The following NCOA6 variants were observed in gnomAD, a reference collection of about 807,000 sequenced individuals.
NCOA6 encodes the protein NRC RAP250.
Under a neutral mutation model 171.4 loss-of-function variants are expected in NCOA6, and 49 were observed. The observed-to-expected ratio is 0.29, with a 90% confidence interval of 0.23 to 0.36. The LOEUF is 0.36. Ranked by LOEUF, NCOA6 falls within the 10% of genes least tolerant of loss-of-function variation. The pLI is 1.00. For synonymous variants in NCOA6, 910 were observed against 927.5 expected, an observed-to-expected ratio of 0.98 and a Z score of 0.34; for missense variants, 2,248 against 2,554.5, an observed-to-expected ratio of 0.88 and a Z score of 2.59.
chr20:34,804,686 GCTTT>G (rs1158475781), intron 1 of NCOA6, among the ~76,000 whole-genome samples: 5 of 151,448 alleles, frequency 3.3e-5, no homozygotes, highest in East Asian at 3.9e-4. Flanking sequence ...TGTTACTTCC[GCTTT>G]CTTTTTCAAA....
At chr20:34,807,727 G>A (rs988544017) in intron 1 of NCOA6, among the ~76,000 whole-genome samples, 6 of 151,854 alleles carry the variant, frequency 4.0e-5, no homozygotes, top group Admixed American at 1.3e-4. Flanking sequence ...GGGTTTCACC[G>A]TGTTAGCCAG....
At chr20:34,722,072 A>G (rs1989426547) in intron 14 of NCOA6, among the ~76,000 whole-genome samples, 1 of 145,534 alleles carries the variant, frequency 6.9e-6, no homozygotes, top group African/African-American at 2.6e-5. Flanking sequence ...AAAAAAAAAA[A>G]AAAAAAAAAA....
chr20:34,718,128 T>A (rs1179521103), intron 14 of NCOA6, among the ~76,000 whole-genome samples: 1 of 152,192 alleles, frequency 6.6e-6, no homozygotes, highest in Admixed American at 6.5e-5. Context: ...AAACACACCA[T>A]TAAAAACCCT....
At chr20:34,724,440 A>G (rs1228706201) in intron 14 of NCOA6, among the ~76,000 whole-genome samples, 2 of 152,198 alleles carry the variant, frequency 1.3e-5, no homozygotes, top group African/African-American at 4.8e-5. Context: ...GTGTGGGTGC[A>G]CCAGAATCTG....
At chr20:34,728,321 G>T (rs1990217307) in intron 13 of NCOA6, among the ~76,000 whole-genome samples, 1 of 152,052 alleles carries the variant, frequency 6.6e-6, no homozygotes, top group Non-Finnish European at 1.5e-5. Flanking sequence ...TTTAAAATTG[G>T]TAATATTCAC....
Position 34,749,715 on chromosome 20 carries a change from T to C in NCOA6, c.2480A>G (p.Asn827Ser), listed in dbSNP as rs1184767931. ...GGCCTGCACATGAGGGGGGACCATG[T>C]TGGTTTGTTGAATGCTAACATCAGG... The part of the protein sequence containing the change: ...MMPDVSIQQT[N>S]MVPPHVQAMQ... The change falls in exon 9 of 15, where the codon AAC becomes AGC. Residue 827 changes from asparagine (N) to serine (S), a missense_variant. This residue lies in a region of NCOA6 where 987 missense variants were observed against 1,104.7 expected (regional missense o/e 0.89). Transcript: ENST00000359003. The C allele has an allele frequency of 1.2e-6, 2 of 1,614,192 alleles. No homozygotes were observed. Among genetic ancestry groups the C allele is most frequent in the Non-Finnish European group, 8.5e-7 (1 of 1,180,030 alleles).
intron 1 of NCOA6, among the ~76,000 whole-genome samples, chr20:34,804,746 GTATAA>G (rs1380964257): frequency 2.0e-5 from 3 of 151,916 alleles, no homozygotes; most frequent in African/African-American, 7.3e-5. Flanking sequence ...ATGGGGTACA[GTATAA>G]TATTTTGATA....
chr20:34,788,754 T>G (rs1268676700), intron 2 of NCOA6, among the ~76,000 whole-genome samples: 14 of 152,212 alleles, frequency 9.2e-5, no homozygotes, highest in South Asian at 2.1e-4. Context: ...AAGACCAGCC[T>G]GACCAACATG....
intron 1 of NCOA6, chr20:34,820,072 T>C (rs964099285): frequency 6.6e-6 from 1 of 152,152 alleles, no homozygotes; most frequent in Non-Finnish European, 1.5e-5. Context: ...ATCTAACCAT[T>C]GAAAACAACA....
rs1045342048 is a variant in NCOA6, at chr20:34,740,827, G to A, written c.5429C>T (p.Pro1810Leu). The A allele has an allele frequency of 6.8e-6, 11 of 1,614,232 alleles. No homozygotes were observed. Among genetic ancestry groups the A allele is most frequent in the Non-Finnish European group, 9.3e-6 (11 of 1,180,046 alleles). Residue 1810 changes from proline to leucine, a missense_variant, in exon 11 of 15, where the codon CCA becomes CTA. Physicochemically the swap from Pro to Leu is moderately conservative, Grantham distance 98 (BLOSUM62 -3). Around this residue, in one of 7 missense-constraint regions of NCOA6, gnomAD observed 884 missense variants for 941.9 expected, o/e 0.94. Coordinates refer to ENST00000359003, the MANE Select transcript of NCOA6 (RefSeq NM_014071.5). Reference sequence around the variant, plus strand: ...TCCTTTGCCCTTACTAGACGAGACTGGGCTTCGCCGGTTGCCAGAGGACCC... The same window carrying A: ...TCCTTTGCCCTTACTAGACGAGACTAGGCTTCGCCGGTTGCCAGAGGACCC... ...SPGSSGNRRSPVSSSKGKGKV... is the reference protein window; with the variant it reads ...SPGSSGNRRSLVSSSKGKGKV...
At chr20:34,729,174 C>T (rs1289309527) in intron 13 of NCOA6, among the ~76,000 whole-genome samples, 1 of 152,226 alleles carries the variant, frequency 6.6e-6, no homozygotes, top group East Asian at 1.9e-4. Context: ...TGGTCTCGAA[C>T]TCCTGACCTC....
At chr20:34,802,800 G>C (rs991629204) in intron 1 of NCOA6, among the ~76,000 whole-genome samples, 1 of 152,090 alleles carries the variant, frequency 6.6e-6, no homozygotes, top group Non-Finnish European at 1.5e-5. Flanking sequence ...TGCAAGTTGA[G>C]AGTTACACAT....
intron 1 of NCOA6, among the ~76,000 whole-genome samples, chr20:34,793,285 A>G (rs190336842): frequency 3.9e-5 from 6 of 152,298 alleles, no homozygotes; most frequent in East Asian, 3.9e-4. Context: ...CCAAAACAAA[A>G]TATTTTGTAC....
intron 10 of NCOA6, 137 bp from the exon 11 acceptor site, chr20:34,743,478 G>GCTGCCCCCTGCCC: frequency 1.2e-6 from 1 of 848,388 alleles, no homozygotes; most frequent in Non-Finnish European, 1.8e-6. Flanking sequence ...CACTCCTGGG[G>GCTGCCCCCTGCCC]CAGGGGGCAG....
intron 9 of NCOA6, among the ~76,000 whole-genome samples, chr20:34,748,385 C>T (rs187538819): frequency 9.9e-4 from 151 of 152,224 alleles, no homozygotes; most frequent in Admixed American, 2.0e-3. Flanking sequence ...TAATACAGTA[C>T]AAAGAATGTT....
At chr20:34,787,706 C>A (rs2077728592) in intron 2 of NCOA6, among the ~76,000 whole-genome samples, 1 of 152,158 alleles carries the variant, frequency 6.6e-6, no homozygotes, top group African/African-American at 2.4e-5. Flanking sequence ...TGGCTTCGCC[C>A]AGGAGAACTT....
At chr20:34,756,902 T>A (rs2076656955) in intron 7 of NCOA6, among the ~76,000 whole-genome samples, 1 of 152,240 alleles carries the variant, frequency 6.6e-6, no homozygotes, top group Non-Finnish European at 1.5e-5. Context: ...TTTAAATTGT[T>A]AACAAAATGC....
At chr20:34,740,333 CAA>C in intron 11 of NCOA6, 28 bp downstream of exon 11, 1 of 1,585,790 alleles carries the variant, frequency 6.3e-7, no homozygotes, top group South Asian at 1.1e-5. Flanking sequence ...AAAACTGACA[CAA>C]AGAGATGATG....
At chr20:34,721,697 C>T (rs147863718) in intron 14 of NCOA6, among the ~76,000 whole-genome samples, 194 of 152,228 alleles carry the variant, frequency 1.3e-3, no homozygotes, top group African/African-American at 4.4e-3. Context: ...TCCTGCTGTG[C>T]GGCCCAGTTC....
Sources: gnomAD v4.1 joint callset for allele counts (sites outside exome capture counted in the v4.1 genomes callset) on GRCh38, gnomAD v4.1.1 for gene constraint, gnomAD v4.1.1 regional missense constraint, MANE v1.5 for transcripts, NCBI Gene and HGNC (gene_info 2026-07-23, HGNC 2026-07-21) for gene names.